SCFD2: variants seen among roughly 807,000 people sequenced by gnomAD.
SCFD2 encodes the protein sec1 family domain containing 2.
In SCFD2, 54 loss-of-function variants were observed where a neutral mutation model predicts 58.9. The observed-to-expected ratio is 0.92, with a 90% CI of 0.74 to 1.15. The LOEUF (loss-of-function observed/expected upper bound fraction) is 1.15, where lower values mean the gene tolerates loss of function less well. Among genes scored for constraint, SCFD2 ranks in the 50% most tolerant of loss-of-function variants. The probability of loss-of-function intolerance (pLI) is 0.00; values close to 1 mark genes in which losing one functional copy is unlikely to be tolerated. For missense variants in SCFD2, 805 were observed against 836.6 expected, an observed-to-expected ratio of 0.96 and a Z score of 0.47; for synonymous variants, 321 against 335.9, an observed-to-expected ratio of 0.96 and a Z score of 0.49.
intron 4 of SCFD2, among the ~76,000 whole-genome samples, chr4:53,215,293 T>C (rs1728781389): frequency 6.6e-6 from 1 of 152,146 alleles, no homozygotes; most frequent in African/African-American, 2.4e-5. Context: ...GAGCATGGGA[T>C]GTTCTTCCAT....
chr4:53,209,844 A>G (rs1342862721), intron 4 of SCFD2, among the ~76,000 whole-genome samples: 1 of 152,090 alleles, frequency 6.6e-6, no homozygotes, highest in Non-Finnish European at 1.5e-5. Flanking sequence ...AAGAGGATGG[A>G]GAACTCCAAT....
chr4:52,932,388 C>T (rs1420518294), intron 5 of SCFD2, among the ~76,000 whole-genome samples: 1 of 152,180 alleles, frequency 6.6e-6, no homozygotes, highest in African/African-American at 2.4e-5. Flanking sequence ...TACTTAAAAG[C>T]CTTTCAAGTT....
chr4:53,209,689 T>C (rs1728544548), intron 4 of SCFD2, among the ~76,000 whole-genome samples: 1 of 151,998 alleles, frequency 6.6e-6, no homozygotes, highest in Non-Finnish European at 1.5e-5. Context: ...CTCAAGAAAC[T>C]ATAGTATAAA....
At chr4:52,998,355 G>A (rs1384419548) in intron 5 of SCFD2, among the ~76,000 whole-genome samples, 1 of 152,182 alleles carries the variant, frequency 6.6e-6, no homozygotes, top group Non-Finnish European at 1.5e-5. Context: ...ACAAGAAATG[G>A]AAGCAAGGCT....
At chr4:52,920,640 G>T in intron 6 of SCFD2, 85 bp downstream of exon 6, 1 of 1,023,044 alleles carries the variant, frequency 9.8e-7, no homozygotes, top group Non-Finnish European at 1.4e-6. Flanking sequence ...TTTTAGGAAG[G>T]TTAAAAGGGA....
intron 4 of SCFD2, among the ~76,000 whole-genome samples, chr4:53,227,517 G>A (rs1312163545): frequency 4.6e-5 from 7 of 152,164 alleles, no homozygotes; most frequent in African/African-American, 1.7e-4. Context: ...AGATTTTGAA[G>A]TAAATGCAAA....
chr4:53,173,772 A>G (rs1390262387), intron 4 of SCFD2, among the ~76,000 whole-genome samples: 1 of 152,052 alleles, frequency 6.6e-6, no homozygotes, highest in Non-Finnish European at 1.5e-5. Flanking sequence ...TGTGGTTACC[A>G]TGAGGCTTAT....
At chr4:53,271,189 AC>A (rs1731151471) in intron 4 of SCFD2, among the ~76,000 whole-genome samples, 1 of 152,084 alleles carries the variant, frequency 6.6e-6, no homozygotes, top group African/African-American at 2.4e-5. Flanking sequence ...CTTGAGCCTT[AC>A]CTGCTTCAAT....
chr4:53,061,454 G>C (rs561081468), intron 5 of SCFD2, among the ~76,000 whole-genome samples: 10 of 152,242 alleles, frequency 6.6e-5, no homozygotes, highest in African/African-American at 2.4e-4. Context: ...AAATCATATG[G>C]ACCACCATGA....
At chr4:52,913,335 G>A (rs751293483) in intron 6 of SCFD2, among the ~76,000 whole-genome samples, 1 of 152,094 alleles carries the variant, frequency 6.6e-6, no homozygotes, top group Non-Finnish European at 1.5e-5. Flanking sequence ...TTGCATTACC[G>A]CCTGAGTTCC....
At chr4:53,314,532 C>A (rs1169670519) in intron 2 of SCFD2, among the ~76,000 whole-genome samples, 1 of 152,142 alleles carries the variant, frequency 6.6e-6, no homozygotes, top group Non-Finnish European at 1.5e-5. Context: ...TTTGTAGTAA[C>A]GTTTTAAAAA....
At chr4:53,065,131 T>C (rs543120370) in intron 5 of SCFD2, among the ~76,000 whole-genome samples, 1 of 151,676 alleles carries the variant, frequency 6.6e-6, no homozygotes, top group Admixed American at 6.6e-5. Flanking sequence ...ACCTTGAGAG[T>C]GGCAGGAAAA....
At chr4:53,355,209 CCTGA>C (rs1232292448) in intron 1 of SCFD2, among the ~76,000 whole-genome samples, 3 of 152,308 alleles carry the variant, frequency 2.0e-5, no homozygotes, top group South Asian at 2.1e-4. Flanking sequence ...TCTGGAGAAT[CCTGA>C]CTAATATGCT....
chr4:53,139,488 G>C (rs1425980603), intron 5 of SCFD2, among the ~76,000 whole-genome samples: 3 of 134,176 alleles, frequency 2.2e-5, no homozygotes, highest in Admixed American at 7.4e-5. Flanking sequence ...GTCTCTGACC[G>C]GCCGCCCAGT....
intron 7 of SCFD2, among the ~76,000 whole-genome samples, chr4:52,890,123 A>T (rs1011005782): frequency 2.6e-5 from 4 of 152,214 alleles, no homozygotes; most frequent in Non-Finnish European, 5.9e-5. Flanking sequence ...TTCCAGCCCT[A>T]CAAACAATTG....
intron 4 of SCFD2, among the ~76,000 whole-genome samples, chr4:53,224,999 T>G (rs1312088055): frequency 6.6e-6 from 1 of 152,182 alleles, no homozygotes; most frequent in African/African-American, 2.4e-5. Context: ...AACTTAATTT[T>G]TAACAACTAT....
intron 4 of SCFD2, among the ~76,000 whole-genome samples, chr4:53,248,063 C>A (rs1191921852): frequency 6.6e-6 from 1 of 152,128 alleles, no homozygotes; most frequent in Non-Finnish European, 1.5e-5. Context: ...TCAGTGGGTG[C>A]AGCGCACCAT....
Position 52,950,962 on chromosome 4 carries a change from C to T in SCFD2, c.1562-30092G>A, listed in dbSNP as rs569487014. The T allele has an allele frequency of 5.3e-5, 8 of 152,304 alleles. No individual in the cohort carries two copies. The East Asian group carries it at 5.8e-4, about 11-fold the overall frequency. 9.4% of individuals were successfully genotyped at this position (152,304 alleles called of 1,614,324 possible). On this transcript the variant is annotated intron_variant, in intron 5 of 8. Transcript: ENST00000401642. The stretch of plus-strand genomic sequence containing the variant: ...ACCTGGAATTACCAGACAGCAATTC[C>T]GTTCCCCCACTTAGTGGAATGGGAG...
chr4:52,937,410 C>G (rs998300095), intron 5 of SCFD2, among the ~76,000 whole-genome samples: 1 of 152,178 alleles, frequency 6.6e-6, no homozygotes. Flanking sequence ...GGCACATTCA[C>G]AAGCCTGAAC....
Sources: allele counts gnomAD v4.1 joint callset (sites outside exome capture counted in the v4.1 genomes callset), GRCh38; gene constraint gnomAD v4.1.1; transcripts MANE v1.5; gene names NCBI Gene and HGNC (gene_info 2026-07-23, HGNC 2026-07-21).